The following PTPN3 variants were observed in gnomAD, a reference collection of about 807,000 sequenced individuals.
PTPN3 encodes protein tyrosine phosphatase non-receptor type 3.
PTPN3 carries 96 observed loss-of-function variants against 132.7 expected under a neutral mutation model. The observed-to-expected ratio is 0.72, with a 90% CI of 0.61 to 0.86. The LOEUF is 0.86. PTPN3 is among the 40% of genes least tolerant of loss of function. PTPN3 has a pLI of 0.00. For missense variants in PTPN3, 1,125 were observed against 1,159.6 expected, an observed-to-expected ratio of 0.97 and a Z score of 0.43; for synonymous variants, 398 against 429.0, an observed-to-expected ratio of 0.93 and a Z score of 0.89.
intron 6 of PTPN3, among the ~76,000 whole-genome samples, chr9:109,446,410 T>A (rs1000481621): frequency 1.6e-4 from 24 of 152,252 alleles, no homozygotes; most frequent in African/African-American, 5.8e-4. Flanking sequence ...ACTTTCCCTA[T>A]CTGAGGGGCC....
At chr9:109,391,236 C>G in intron 20 of PTPN3, 37 bp from the exon 21 acceptor site, 3 of 1,582,208 alleles carry the variant, frequency 1.9e-6, no homozygotes, top group Non-Finnish European at 2.6e-6. Context: ...TTATTCCGAG[C>G]ATTATTTTTA....
chr9:109,524,525 T>C, the PTPN3 span, among the ~76,000 whole-genome samples: 2 of 152,308 alleles, frequency 1.3e-5, no homozygotes, highest in South Asian at 2.1e-4. Flanking sequence ...ACTGCCTCCC[T>C]GTGTAGGGAT....
At chr9:109,424,302 C>T (rs1425418448) in intron 12 of PTPN3, among the ~76,000 whole-genome samples, 1 of 152,198 alleles carries the variant, frequency 6.6e-6, no homozygotes, top group Non-Finnish European at 1.5e-5. Context: ...TCAGTGTCCT[C>T]ATCTGTAAAA....
At chr9:109,538,209 G>T in the PTPN3 span, among the ~76,000 whole-genome samples, 1 of 152,184 alleles carries the variant, frequency 6.6e-6, no homozygotes, top group Admixed American at 6.5e-5. Flanking sequence ...TTCTTTAAAT[G>T]CAGTTTTTGA....
intron 25 of PTPN3, among the ~76,000 whole-genome samples, chr9:109,379,895 C>T (rs1164301307): frequency 2.0e-5 from 3 of 152,134 alleles, no homozygotes; most frequent in African/African-American, 7.2e-5. Flanking sequence ...AGCAAAAGTC[C>T]CTGCGGGACA....
the PTPN3 span, among the ~76,000 whole-genome samples, chr9:109,515,589 A>G: frequency 6.6e-6 from 1 of 152,198 alleles, no homozygotes. Flanking sequence ...TTATAAAGAA[A>G]AAAGGTTTTT....
At chr9:109,439,075 G>A (rs1420589469) in intron 7 of PTPN3, among the ~76,000 whole-genome samples, 2 of 152,280 alleles carry the variant, frequency 1.3e-5, no homozygotes, top group East Asian at 3.9e-4. Context: ...TGCCTATGAT[G>A]TGATGGGCAT....
At chr9:109,423,637 T>C (rs1209536142) in intron 12 of PTPN3, among the ~76,000 whole-genome samples, 1 of 152,188 alleles carries the variant, frequency 6.6e-6, no homozygotes, top group Non-Finnish European at 1.5e-5. Context: ...AGTTTCAGGC[T>C]ACGTTCTTTG....
chr9:109,387,369 G>A (rs1189764475), intron 22 of PTPN3, among the ~76,000 whole-genome samples: 3 of 152,204 alleles, frequency 2.0e-5, no homozygotes, highest in Non-Finnish European at 4.4e-5. Context: ...GATAACAAGA[G>A]CAAGGGGGAT....
At chr9:109,434,501 T>G (rs1843887032) in intron 9 of PTPN3, among the ~76,000 whole-genome samples, 1 of 152,020 alleles carries the variant, frequency 6.6e-6, no homozygotes, top group Non-Finnish European at 1.5e-5. Context: ...AGAGATGGGG[T>G]CACACTATGT....
intron 1 of PTPN3, among the ~76,000 whole-genome samples, chr9:109,477,197 T>C (rs967894258): frequency 1.3e-5 from 2 of 152,162 alleles, no homozygotes; most frequent in African/African-American, 4.8e-5. Context: ...GCCCCACACT[T>C]AGTCACTATT....
rs117178941 is a variant in PTPN3 at position 109,485,710 on chromosome 9, T to G, written c.-18+12509A>C. Among the ~76,000 whole-genome samples, 98 of 152,064 alleles carry G rather than the reference T, an allele frequency of 6.4e-4. 1 individual carries two copies. The East Asian group carries it at 0.013, about 20-fold the overall frequency. On this transcript the variant is annotated intron_variant, in intron 1 of 25. Coordinates refer to ENST00000374541, the MANE Select transcript of PTPN3 (RefSeq NM_002829.4). Reference sequence around the variant, plus strand: ...CCTACGGAAACCAGACTCTTCTCCTTCCCCTTCCACCACCATCCTGAGAAG... The same window carrying G: ...CCTACGGAAACCAGACTCTTCTCCTGCCCCTTCCACCACCATCCTGAGAAG...
At chr9:109,497,589 GA>G (rs762183332) in intron 1 of PTPN3, among the ~76,000 whole-genome samples, 63 of 152,152 alleles carry the variant, frequency 4.1e-4, no homozygotes, top group Non-Finnish European at 8.1e-4. Context: ...TTAGGTAGCT[GA>G]AAATGGGAAT....
Position 109,377,503 on chromosome 9 carries a change from G to A in PTPN3, c.*2053C>T, listed in dbSNP as rs932504418. 1 of 152,494 alleles carries A rather than the reference G, an allele frequency of 6.6e-6. No individual in the cohort carries two copies. Among genetic ancestry groups the A allele is most frequent in the Non-Finnish European group, 1.5e-5 (1 of 68,768 alleles). 9.4% of individuals were successfully genotyped at this position (152,494 alleles called of 1,614,324 possible). A position where few individuals can be genotyped will look rare whatever the true frequency, so the allele number is the denominator to read the frequency against. On this transcript the variant is annotated 3_prime_UTR_variant, in exon 26 of 26. Coordinates refer to ENST00000374541, the MANE Select transcript of PTPN3 (RefSeq NM_002829.4). The stretch of plus-strand genomic sequence containing the variant: ...TGCCTATAGTCCCGGCTACTCAGGA[G>A]GCTGAGGTGCGAGGATTGCTTGAGC...
chr9:109,453,205 C>T (rs149757069), intron 5 of PTPN3, among the ~76,000 whole-genome samples: 1 of 152,276 alleles, frequency 6.6e-6, no homozygotes, highest in African/African-American at 2.4e-5. Context: ...TAATATTTGG[C>T]CTTTCAACAT....
At chr9:109,416,013 T>C (rs1351553137) in intron 14 of PTPN3, among the ~76,000 whole-genome samples, 3 of 152,134 alleles carry the variant, frequency 2.0e-5, no homozygotes, top group African/African-American at 2.4e-5. Flanking sequence ...GAGGGGGACA[T>C]GTAGAATGGT....
the PTPN3 span, among the ~76,000 whole-genome samples, chr9:109,525,412 C>A: frequency 6.6e-6 from 1 of 152,182 alleles, no homozygotes; most frequent in Admixed American, 6.5e-5. Context: ...AAATTAACTT[C>A]CTCTAAAGTC....
chr9:109,450,415 G>A, intron 5 of PTPN3: 1 of 984,508 alleles, frequency 1.0e-6, no homozygotes, highest in Non-Finnish European at 1.2e-6. Context: ...ATCCAATGGT[G>A]AACCCGGGCT....
At chr9:109,390,673 T>G (rs952347154) in intron 21 of PTPN3, among the ~76,000 whole-genome samples, 1 of 152,218 alleles carries the variant, frequency 6.6e-6, no homozygotes, top group Non-Finnish European at 1.5e-5. Flanking sequence ...GATGCGTTTT[T>G]AGAGAGAAAA....
Sources: allele counts gnomAD v4.1 joint callset (sites outside exome capture counted in the v4.1 genomes callset), GRCh38; gene constraint gnomAD v4.1.1; transcripts MANE v1.5; gene names NCBI Gene and HGNC (gene_info 2026-07-23, HGNC 2026-07-21).